ETHE1: variants seen among roughly 807,000 people sequenced by gnomAD.
The protein encoded by ETHE1 is persulfide dioxygenase ETHE1, mitochondrial.
A neutral mutation model predicts 25.7 loss-of-function variants in ETHE1; 16 were observed. The observed-to-expected ratio is 0.62, with a 90% CI of 0.42 to 0.95. The LOEUF (loss-of-function observed/expected upper bound fraction) is 0.95, where lower values mean the gene tolerates loss of function less well. ETHE1 is among the 40% of genes least tolerant of loss of function. The pLI, the probability that ETHE1 is intolerant of heterozygous loss-of-function variation, is 0.00. For missense variants in ETHE1, 300 were observed against 333.6 expected (o/e 0.90, Z 0.79); for synonymous variants, 139 against 135.9 (o/e 1.02, Z -0.16).
intron 5 of ETHE1, 27 bp from the exon 6 acceptor site, chr19:43,508,087 G>A: frequency 6.2e-7 from 1 of 1,612,302 alleles, no homozygotes; most frequent in Non-Finnish European, 8.5e-7. Context: ...GGGAAGGAAA[G>A]TCAAGGAGTC....
intron 3 of ETHE1, among the ~76,000 whole-genome samples, chr19:43,516,623 C>CTTTTTTTTTTT (rs71169249): frequency 1.7e-4 from 19 of 110,188 alleles, no homozygotes; most frequent in East Asian, 8.1e-4. Context: ...TTCTTTTTTT[C>CTTTTTTTTTTT]TTTTTTTTTT....
Position 43,521,466 on chromosome 19 carries a change from C to T in ETHE1, c.375+4735G>A, listed in dbSNP as rs536085671. Among the ~76,000 whole-genome samples the T allele has an allele frequency of 3.3e-5, 5 of 152,250 alleles. No homozygotes were observed. The South Asian group carries it at 1.0e-3, about 32-fold the overall frequency. On this transcript the variant is annotated intron_variant, in intron 3 of 6. Coordinates refer to ENST00000292147, the MANE Select transcript of ETHE1 (RefSeq NM_014297.5). Reference sequence around the variant, plus strand: ...GCACATGAGCAAGGGTGTCTCTGGGCTTCACACCTAGAAGGGGAACCTCTG... The same window carrying T: ...GCACATGAGCAAGGGTGTCTCTGGGTTTCACACCTAGAAGGGGAACCTCTG...
Position 43,508,796 on chromosome 19 carries a change from A to T in ETHE1, c.574T>A (p.Tyr192Asn). 1 of 1,607,426 alleles carries T rather than the reference A, an allele frequency of 6.2e-7. No homozygotes were observed. Among genetic ancestry groups the T allele is most frequent in the Non-Finnish European group, 8.5e-7 (1 of 1,177,294 alleles). Residue 192 changes from tyrosine to asparagine, a missense_variant, in exon 5 of 7, where the codon TAC (tyrosine) becomes AAC (asparagine). By Grantham distance (143) the Tyr-to-Asn change is moderately radical. Transcript: ENST00000292147. ...TCACCATGGTAATCGTGAGCAGGGTAGATCAGACAGTCTCCTGGAAGTGTG... is the reference window on the plus strand; with the variant it reads ...TCACCATGGTAATCGTGAGCAGGGTTGATCAGACAGTCTCCTGGAAGTGTG... ...IFTLPGDCLI[Y>N]PAHDYHGFTV... is the part of the protein sequence containing the mutation.
At chr19:43,518,929 G>A (rs1311846061) in intron 3 of ETHE1, among the ~76,000 whole-genome samples, 1 of 151,182 alleles carries the variant, frequency 6.6e-6, no homozygotes, top group African/African-American at 2.4e-5. Flanking sequence ...TGGGGGAGAG[G>A]GGCGCGGTTC....
chr19:43,515,299 C>T (rs1313818313), intron 3 of ETHE1, among the ~76,000 whole-genome samples: 3 of 151,768 alleles, frequency 2.0e-5, no homozygotes, highest in African/African-American at 7.3e-5. Context: ...TGCTTGTAAT[C>T]CCAGCTACTT....
chr19:43,508,845 G>T lies in ETHE1; in HGVS notation c.525C>A (p.Tyr175Ter), dbSNP rs1329675114. The T allele has an allele frequency of 6.2e-7, 1 of 1,607,330 alleles. No individual in the cohort carries two copies. The highest frequency in any genetic ancestry group is 1.7e-5 in the Admixed American group (1 of 58,862). The part of the protein sequence containing the change: ...DFQQGCAKTL[Y>*]HSVHEKIFTL... Reference sequence around the variant, plus strand: ...TGAAGATCTTTTCATGGACCGAGTGGTACAAGGTCTTGGCACAGCCTGGGG... The same window carrying T: ...TGAAGATCTTTTCATGGACCGAGTGTTACAAGGTCTTGGCACAGCCTGGGG... Residue 175 changes from tyrosine to a stop codon, truncating the protein, a stop_gained, in exon 5 of 7, where the codon TAC (tyrosine) becomes TAA (stop). Transcript: ENST00000292147. LOFTEE classifies it high-confidence loss of function.
Position 43,511,539 on chromosome 19 carries a change from GGC to G in ETHE1, c.401_402del (p.Gly134AlafsTer12), listed in dbSNP as rs1210404401. On this transcript the variant is annotated frameshift_variant, in exon 4 of 7. Coordinates refer to ENST00000292147, the MANE Select transcript of ETHE1 (RefSeq NM_014297.5). LOFTEE classifies it high-confidence loss of function. ...RFALETRASP[G>X]HTPGCVTFVL... ...ACGAAGGTGACACAGCCTGGGGTGT[GGC>G]CAGGGCTGGCCCTGGTCTCCAACGC... 1 of 1,613,866 alleles carries G rather than the reference GGC, an allele frequency of 6.2e-7. No homozygotes were observed. The highest frequency in any genetic ancestry group is 8.5e-7 in the Non-Finnish European group (1 of 1,180,034).
chr19:43,526,073 G>A (rs1972237421), intron 3 of ETHE1, 128 bp downstream of exon 3: 2 of 1,418,354 alleles, frequency 1.4e-6, no homozygotes, highest in South Asian at 1.2e-5. Context: ...TGAGCTCAGG[G>A]GTCAGAAACC....
chr19:43,509,589 A>G (rs999118856), intron 4 of ETHE1, among the ~76,000 whole-genome samples: 1 of 151,742 alleles, frequency 6.6e-6, no homozygotes, highest in African/African-American at 2.4e-5. Flanking sequence ...AAGTCAGGAG[A>G]TCGAGACCAT....
intron 3 of ETHE1, among the ~76,000 whole-genome samples, chr19:43,512,731 T>C (rs1282560333): frequency 2.2e-5 from 3 of 135,572 alleles, no homozygotes; most frequent in African/African-American, 8.5e-5. Context: ...ATTTGCAGCC[T>C]GACAATGTGA....
At chr19:43,506,947 G>A in intron 6 of ETHE1, 45 bp from the exon 7 acceptor site, 1 of 1,600,390 alleles carries the variant, frequency 6.2e-7, no homozygotes, top group Non-Finnish European at 8.6e-7. Flanking sequence ...CCTAGGTAGA[G>A]TTCCAGGCCC....
At chr19:43,520,914 GA>G (rs1366688122) in intron 3 of ETHE1, among the ~76,000 whole-genome samples, 1 of 152,060 alleles carries the variant, frequency 6.6e-6, no homozygotes, top group African/African-American at 2.4e-5. Flanking sequence ...GATTCTAAGG[GA>G]CCTGGGGGAT....
At chr19:43,523,964 A>C (rs1972188400) in intron 3 of ETHE1, among the ~76,000 whole-genome samples, 1 of 151,950 alleles carries the variant, frequency 6.6e-6, no homozygotes, top group Non-Finnish European at 1.5e-5. Flanking sequence ...GCCTGGGCGC[A>C]GTGGCTCATG....
intron 3 of ETHE1, among the ~76,000 whole-genome samples, chr19:43,516,504 T>G (rs1399982212): frequency 6.6e-6 from 1 of 151,930 alleles, no homozygotes; most frequent in Non-Finnish European, 1.5e-5. Flanking sequence ...TTCACCACAT[T>G]GGCCAGGCTG....
At chr19:43,525,887 C>G (rs1202532439) in intron 3 of ETHE1, 1 of 432,334 alleles carries the variant, frequency 2.3e-6, no homozygotes, top group Non-Finnish European at 4.3e-6. Flanking sequence ...CCTCAGAATT[C>G]CAGCCCCTAA....
In ETHE1 at chr19:43,526,522, G is replaced by A. The variant is rs2146019555; in HGVS notation, c.219C>T (p.Leu73=). 6.2e-7 allele frequency: 1 copy of A among 1,613,376 alleles called. No individual in the cohort carries two copies. Among genetic ancestry groups the A allele is most frequent in the Non-Finnish European group, 8.5e-7 (1 of 1,179,738 alleles). ...QLIKELGLRL[L]YAVNTHCHAD... Reference sequence around the variant, plus strand: ...TTTGGTCCCCGGACTGACCAGCATAGAGCAGCCGCAGCCCCAGCTCCTTGA... The same window carrying A: ...TTTGGTCCCCGGACTGACCAGCATAAAGCAGCCGCAGCCCCAGCTCCTTGA... The change falls in exon 2 of 7, where the codon CTC becomes CTT. Residue 73 remains leucine, a synonymous_variant. Coordinates refer to ENST00000292147, the MANE Select transcript of ETHE1 (RefSeq NM_014297.5).
intron 3 of ETHE1, 57 bp downstream of exon 3, chr19:43,526,144 C>T (rs1179635117): frequency 1.2e-6 from 2 of 1,613,386 alleles, no homozygotes; most frequent in African/African-American, 2.7e-5. Context: ...TCCCCTCTTC[C>T]CTTAAGTTTA....
intron 4 of ETHE1, 73 bp downstream of exon 4, chr19:43,511,364 G>A: frequency 6.2e-7 from 1 of 1,606,002 alleles, no homozygotes; most frequent in Non-Finnish European, 8.5e-7. Context: ...ATTCATTCTT[G>A]TAACAGATAC....
chr19:43,511,682 T>C, intron 3 of ETHE1, 116 bp from the exon 4 acceptor site: 2 of 1,161,650 alleles, frequency 1.7e-6, no homozygotes, highest in Middle Eastern at 3.0e-4. Context: ...TGGTAAAAAA[T>C]GTAGATTCCC....
Sources: gnomAD v4.1 joint callset for allele counts (sites outside exome capture counted in the v4.1 genomes callset) on GRCh38, gnomAD v4.1.1 for gene constraint, MANE v1.5 for transcripts, NCBI Gene and HGNC (gene_info 2026-07-23, HGNC 2026-07-21) for gene names.